Variants in VCAN observed in about 807,000 individuals in gnomAD.
VCAN encodes versican, also known as versican core protein.
VCAN carries 44 observed loss-of-function variants against 245.5 expected under a neutral mutation model. The observed-to-expected ratio is 0.18, with a 90% CI of 0.14 to 0.23. The LOEUF is 0.23. Ranked by LOEUF, VCAN falls within the 10% of genes least tolerant of loss-of-function variation. The pLI is 1.00. For missense variants in VCAN, 3,793 were observed against 4,057.9 expected (o/e 0.93, Z 1.77); for synonymous variants, 1,413 against 1,437.0 (o/e 0.98, Z 0.38).
Position 83,521,099 on chromosome 5 carries a change from G to T in VCAN, c.2793G>T (p.Val931=). The part of the protein sequence containing the change: ...EGSALGEVED[V]DLSKPVSTVP... ...GTGCTTTGGGTGAAGTAGAAGATGT[G>T]GACCTCTCTAAGCCAGTATCTACTG... The change falls in exon 7 of 15, where the codon GTG becomes GTT. Residue 931 remains valine (V), a synonymous_variant. Transcript: ENST00000265077. 6.2e-7 allele frequency: 1 copy of T among 1,614,112 alleles called. No individual in the cohort carries two copies. Among genetic ancestry groups the T allele is most frequent in the Non-Finnish European group, 8.5e-7 (1 of 1,179,992 alleles).
chr5:83,542,211 G>T lies in VCAN; in HGVS notation c.9208G>T (p.Asp3070Tyr). 1 of 1,614,030 alleles carries T rather than the reference G, an allele frequency of 6.2e-7. No individual in the cohort carries two copies. The highest frequency in any genetic ancestry group is 1.6e-4 in the Middle Eastern group (1 of 6,062). The change falls in exon 8 of 15, where the codon GAT becomes TAT. Residue 3070 changes from aspartate (D) to tyrosine (Y), a missense_variant. Coordinates refer to ENST00000265077, the MANE Select transcript of VCAN (RefSeq NM_004385.5). ...CCTTCTGGAGACTTCTAATGAAACA[G>T]ATTTCCTGATTGGCATTAATGAAGA... The part of the protein sequence containing the change: ...FSLLETSNET[D>Y]FLIGINEESV...
At chr5:83,548,331 G>C (rs754346586) in intron 10 of VCAN, among the ~76,000 whole-genome samples, 1 of 152,134 alleles carries the variant, frequency 6.6e-6, no homozygotes, top group Non-Finnish European at 1.5e-5. Flanking sequence ...GAATATTATC[G>C]TATGTATTTT....
chr5:83,538,155 A>G lies in VCAN; in HGVS notation c.5152A>G (p.Thr1718Ala). ...ETDTSEWISS[T>A]TVEEKKRKEE... ...AGACACTTCTGAGTGGATTTCCAGTACCACTGTTGAGGAAAAGAAAAGGAA... is the reference window on the plus strand; with the variant it reads ...AGACACTTCTGAGTGGATTTCCAGTGCCACTGTTGAGGAAAAGAAAAGGAA... Residue 1718 changes from threonine (T) to alanine (A), a missense_variant, in exon 8 of 15, where the codon ACC becomes GCC. Around this residue, in one of 5 missense-constraint regions of VCAN, gnomAD observed 3,182 missense variants for 3,250.3 expected, o/e 0.98. Transcript: ENST00000265077. The G allele has an allele frequency of 1.9e-6, 3 of 1,613,960 alleles. No homozygotes were observed. Among genetic ancestry groups the G allele is most frequent in the Non-Finnish European group, 2.5e-6 (3 of 1,179,960 alleles).
chr5:83,516,101 G>A (rs548826190), intron 6 of VCAN, among the ~76,000 whole-genome samples: 58 of 152,106 alleles, frequency 3.8e-4, no homozygotes, highest in Admixed American at 1.6e-3. Flanking sequence ...GCATGGTGGC[G>A]GGCGCCTGTA....
chr5:83,472,606 C>A (rs1057064930), intron 1 of VCAN, among the ~76,000 whole-genome samples: 3 of 152,092 alleles, frequency 2.0e-5, no homozygotes, highest in African/African-American at 7.2e-5. Context: ...CTTGCGCGGA[C>A]CTGACCCCTT....
intron 6 of VCAN, among the ~76,000 whole-genome samples, chr5:83,516,308 G>A (rs1745856767): frequency 1.3e-5 from 2 of 152,022 alleles, no homozygotes; most frequent in African/African-American, 2.4e-5. Flanking sequence ...TATATATAGA[G>A]TTTGAATTGT....
intron 10 of VCAN, among the ~76,000 whole-genome samples, chr5:83,551,427 A>T (rs177930): frequency 4.0e-5 from 6 of 151,464 alleles, no homozygotes; most frequent in Non-Finnish European, 7.4e-5. Context: ...CAGGAGACTC[A>T]CTTGAACCCG....
At chr5:83,552,186 G>C (rs1293321489) in intron 10 of VCAN, among the ~76,000 whole-genome samples, 1 of 152,198 alleles carries the variant, frequency 6.6e-6, no homozygotes, top group Non-Finnish European at 1.5e-5. Context: ...ATAGAAAGAG[G>C]AGTAACAGGA....
chr5:83,567,427 A>G lies in VCAN; in HGVS notation c.9736-4989A>G, dbSNP rs13358503. Among the ~76,000 whole-genome samples the G allele has an allele frequency of 8.4e-3, 1,273 of 152,062 alleles. 9 individuals are homozygous for G. The highest frequency in any genetic ancestry group is 0.013 in the Non-Finnish European group (900 of 68,000). The stretch of plus-strand genomic sequence containing the variant: ...GTGATTTTCCTGCCTCAGCCTCCCG[A>G]GTAGCTGGGATTACAGGTGGCTGCC... On this transcript the variant is annotated intron_variant, in intron 12 of 14. Coordinates refer to ENST00000265077, the MANE Select transcript of VCAN (RefSeq NM_004385.5).
intron 6 of VCAN, 55 bp from the exon 7 acceptor site, chr5:83,519,294 A>G (rs1024559015): frequency 1.3e-6 from 2 of 1,587,958 alleles, no homozygotes; most frequent in African/African-American, 2.7e-5. Context: ...AACACTGGGC[A>G]TACAAGTTTT....
At position 83,542,238 on chromosome 5, in the gene VCAN, T is replaced by G; in HGVS notation, c.9235T>G (p.Ser3079Ala). Residue 3079 changes from serine (S) to alanine (A), a missense_variant, in exon 8 of 15, where the codon TCA (serine) becomes GCA (alanine). Physicochemically the swap from Ser to Ala is moderately conservative, Grantham distance 99. This residue lies in a region of VCAN where 3,182 missense variants were observed against 3,250.3 expected (regional missense o/e 0.98). Transcript: ENST00000265077. ...TDFLIGINEE[S>A]VEGTAIYLPG... ...TTTCCTGATTGGCATTAATGAAGAG[T>G]CAGTGGAAGGCACGGCAATCTATTT... 6.2e-7 allele frequency: 1 copy of G among 1,613,640 alleles called. No homozygotes were observed. Among genetic ancestry groups the G allele is most frequent in the Non-Finnish European group, 8.5e-7 (1 of 1,179,932 alleles).
chr5:83,477,931 CA>C (rs911575143), intron 1 of VCAN, among the ~76,000 whole-genome samples: 21 of 144,086 alleles, frequency 1.5e-4, no homozygotes, highest in Non-Finnish European at 2.4e-4. Flanking sequence ...AGAGGAGTAA[CA>C]AAAAAAAATA....
At chr5:83,552,374 G>T (rs1431252075) in intron 10 of VCAN, among the ~76,000 whole-genome samples, 1 of 152,132 alleles carries the variant, frequency 6.6e-6, no homozygotes, top group Non-Finnish European at 1.5e-5. Context: ...TCTATAAACT[G>T]CAGTTTTGTT....
At chr5:83,572,386 A>G in intron 12 of VCAN, 30 bp from the exon 13 acceptor site, 1 of 1,613,678 alleles carries the variant, frequency 6.2e-7, no homozygotes, top group Non-Finnish European at 8.5e-7. Flanking sequence ...TTGACTAGCA[A>G]GTAGTTACCT....
intron 5 of VCAN, among the ~76,000 whole-genome samples, chr5:83,496,052 C>T (rs1420475836): frequency 1.3e-5 from 2 of 152,164 alleles, no homozygotes; most frequent in African/African-American, 4.8e-5. Flanking sequence ...ATTTCAGGGC[C>T]TCTGCAAGTA....
At position 83,523,060 on chromosome 5, in the gene VCAN, G is replaced by A. The variant is rs189266308; in HGVS notation, c.4003+751G>A. Among the ~76,000 whole-genome samples, 407 of 152,190 alleles carry A rather than the reference G, an allele frequency of 2.7e-3. 1 individual carries two copies. The highest frequency in any genetic ancestry group is 4.2e-3 in the Non-Finnish European group (288 of 67,984). On this transcript the variant is annotated intron_variant, in intron 7 of 14. Coordinates refer to ENST00000265077, the MANE Select transcript of VCAN (RefSeq NM_004385.5). ...CATTTTATGATTTAATTGTTTTACC[G>A]CTAGGAATATTTGTGATGCCTTCTA...
At position 83,519,828 on chromosome 5, in the gene VCAN, A is replaced by C. The variant is rs949248401; in HGVS notation, c.1522A>C (p.Ile508Leu). 1.2e-6 allele frequency: 2 copies of C among 1,614,140 alleles called. No homozygotes were observed. Among genetic ancestry groups the C allele is most frequent in the Non-Finnish European group, 1.7e-6 (2 of 1,179,978 alleles). The change falls in exon 7 of 15, where the codon ATT becomes CTT. Residue 508 changes from isoleucine (I) to leucine (L), a missense_variant. Physicochemically the swap from Ile to Leu is conservative, Grantham distance 5. This residue lies in a region of VCAN where 3,182 missense variants were observed against 3,250.3 expected (regional missense o/e 0.98). Coordinates refer to ENST00000265077, the MANE Select transcript of VCAN (RefSeq NM_004385.5). ...AACATCTATGGAAATCTTAAAGCAC[A>C]TTCCTTCCAAGGAATTCCCTGTAAC... ...LVTSMEILKHIPSKEFPVTET... is the reference protein window; with the variant it reads ...LVTSMEILKHLPSKEFPVTET...
At chr5:83,560,182 AC>A (rs1331983293) in intron 12 of VCAN, among the ~76,000 whole-genome samples, 2 of 152,058 alleles carry the variant, frequency 1.3e-5, no homozygotes, top group Non-Finnish European at 2.9e-5. Context: ...TGGAAAGTAA[AC>A]TTTCAACCTC....
In VCAN at chr5:83,538,811, T is replaced by A; in HGVS notation, c.5808T>A (p.Gly1936=). 1.2e-6 allele frequency: 2 copies of A among 1,613,570 alleles called. No individual in the cohort carries two copies. The highest frequency in any genetic ancestry group is 1.7e-6 in the Non-Finnish European group (2 of 1,179,874). ...TGFPLEEDFS[G]DFREYSTVSH... is the part of the protein sequence containing the mutation. ...TTCCTTTGGAGGAAGATTTCAGTGG[T>A]GACTTTAGAGAATACTCAACAGTGT... The change falls in exon 8 of 15, where the codon GGT becomes GGA. Residue 1936 remains glycine, a synonymous_variant. Transcript: ENST00000265077.
Sources: gnomAD v4.1 joint callset for allele counts (sites outside exome capture counted in the v4.1 genomes callset) on GRCh38, gnomAD v4.1.1 for gene constraint, gnomAD v4.1.1 regional missense constraint, MANE v1.5 for transcripts, NCBI Gene and HGNC (gene_info 2026-07-23, HGNC 2026-07-21) for gene names.